ARHGAP10: variants seen among roughly 807,000 people sequenced by gnomAD.
ARHGAP10 encodes the protein rho GTPase-activating protein 10.
A neutral mutation model predicts 108.6 loss-of-function variants in ARHGAP10; 87 were observed. The ratio of observed to expected loss-of-function variants is 0.80; its 90% CI spans 0.67 to 0.96. The LOEUF (loss-of-function observed/expected upper bound fraction) is 0.96. Ranked by LOEUF, ARHGAP10 falls within the 40% of genes least tolerant of loss-of-function variation. The pLI is 0.00. For synonymous variants in ARHGAP10, 347 were observed against 341.1 expected, an observed-to-expected ratio of 1.02 and a Z score of -0.19; for missense variants, 939 against 954.5, an observed-to-expected ratio of 0.98 and a Z score of 0.21.
chr4:148,067,986 G>A (rs1030781092), intron 22 of ARHGAP10, among the ~76,000 whole-genome samples: 14 of 148,798 alleles, frequency 9.4e-5, no homozygotes, highest in Middle Eastern at 3.4e-3. Context: ...CAACTCCCCC[G>A]CCCCCCACCC....
chr4:147,895,673 G>C (rs1416969541), intron 10 of ARHGAP10, among the ~76,000 whole-genome samples: 1 of 150,468 alleles, frequency 6.6e-6, no homozygotes, highest in Non-Finnish European at 1.5e-5. Flanking sequence ...GCAACAGAGA[G>C]AGACCCTGTC....
intron 11 of ARHGAP10, among the ~76,000 whole-genome samples, chr4:147,907,861 TC>T (rs1736566624): frequency 6.6e-6 from 1 of 152,144 alleles, no homozygotes; most frequent in Non-Finnish European, 1.5e-5. Context: ...TATTGATTGA[TC>T]GATGGAATCT....
chr4:147,983,556 A>G (rs1006841771), intron 18 of ARHGAP10, among the ~76,000 whole-genome samples: 1 of 145,894 alleles, frequency 6.9e-6, no homozygotes, highest in African/African-American at 2.6e-5. Context: ...CTGATTTTTG[A>G]GTTCTGAAAT....
intron 19 of ARHGAP10, among the ~76,000 whole-genome samples, chr4:148,033,836 G>T (rs549964260): frequency 6.6e-6 from 1 of 152,280 alleles, no homozygotes; most frequent in Admixed American, 6.5e-5. Flanking sequence ...ACTGCTTAGT[G>T]TTTTCCTGTT....
At chr4:147,875,274 C>T (rs1209503096) in intron 8 of ARHGAP10, 124 bp downstream of exon 8, 1 of 1,090,140 alleles carries the variant, frequency 9.2e-7, no homozygotes, top group East Asian at 2.9e-5. Context: ...CTCCCTGCTC[C>T]TATCACCTAA....
At position 147,769,537 on chromosome 4, in the gene ARHGAP10, C is replaced by T. The variant is rs147969333; in HGVS notation, c.154+37082C>T. On this transcript the variant is annotated intron_variant, in intron 1 of 22. Coordinates refer to ENST00000336498, the MANE Select transcript of ARHGAP10 (RefSeq NM_024605.4). ...TTCCTTGTTAACTGACATTGTTTCC[C>T]GGGGATTTCCGTATGTTAACAAGTT... is the stretch of plus-strand genomic sequence containing the variant. Among the ~76,000 whole-genome samples, 1,144 of 152,130 alleles carry T rather than the reference C, an allele frequency of 7.5e-3. 16 individuals are homozygous for T. Among genetic ancestry groups the T allele is most frequent in the African/African-American group, 0.026 (1,079 of 41,482 alleles).
intron 1 of ARHGAP10, among the ~76,000 whole-genome samples, chr4:147,787,120 C>T (rs1237000524): frequency 6.6e-6 from 1 of 152,086 alleles, no homozygotes; most frequent in Admixed American, 6.6e-5. Context: ...CAGCAGATGA[C>T]CAAGGTGGAA....
chr4:147,987,962 T>C (rs1459031083), intron 18 of ARHGAP10, among the ~76,000 whole-genome samples: 1 of 152,254 alleles, frequency 6.6e-6, no homozygotes, highest in Admixed American at 6.5e-5. Context: ...GGCAAAGTTT[T>C]GGTTGCAACC....
At chr4:147,891,662 G>T (rs1003551794) in intron 10 of ARHGAP10, among the ~76,000 whole-genome samples, 2 of 152,162 alleles carry the variant, frequency 1.3e-5, no homozygotes, top group African/African-American at 4.8e-5. Context: ...AGCTGCAAAT[G>T]AATACCTACC....
At chr4:147,976,304 A>C (rs1739591531) in intron 18 of ARHGAP10, among the ~76,000 whole-genome samples, 1 of 152,206 alleles carries the variant, frequency 6.6e-6, no homozygotes. Flanking sequence ...AGGCAGCACT[A>C]GTTTTTATGT....
chr4:147,897,209 G>T (rs772196807), intron 10 of ARHGAP10, among the ~76,000 whole-genome samples: 37 of 151,034 alleles, frequency 2.4e-4, no homozygotes, highest in Admixed American at 1.2e-3. Context: ...AAAAAAATAT[G>T]CTAGCCATTG....
chr4:147,799,559 T>C (rs1731490402), intron 1 of ARHGAP10, among the ~76,000 whole-genome samples: 2 of 152,212 alleles, frequency 1.3e-5, no homozygotes, highest in African/African-American at 2.4e-5. Flanking sequence ...TTGTCTTTCC[T>C]CAAGTTCAGT....
At chr4:147,955,724 G>A (rs1188214581) in intron 16 of ARHGAP10, among the ~76,000 whole-genome samples, 1 of 152,078 alleles carries the variant, frequency 6.6e-6, no homozygotes, top group Admixed American at 6.6e-5. Context: ...AGGGAACACA[G>A]AAGTATTTAA....
chr4:147,785,563 G>T (rs1730858580), intron 1 of ARHGAP10, among the ~76,000 whole-genome samples: 1 of 152,092 alleles, frequency 6.6e-6, no homozygotes, highest in African/African-American at 2.4e-5. Context: ...GGACATAAAT[G>T]ACATGTAGTT....
intron 18 of ARHGAP10, among the ~76,000 whole-genome samples, chr4:147,971,350 T>G (rs764327392): frequency 2.6e-5 from 4 of 152,062 alleles, no homozygotes; most frequent in African/African-American, 9.7e-5. Flanking sequence ...GTGTGAGATT[T>G]GGGGGAAGTA....
At chr4:147,969,332 T>C (rs1483121828) in intron 18 of ARHGAP10, among the ~76,000 whole-genome samples, 1 of 145,230 alleles carries the variant, frequency 6.9e-6, no homozygotes, top group Non-Finnish European at 1.5e-5. Flanking sequence ...GCCTTTTTTT[T>C]TTTTTTTTTT....
intron 18 of ARHGAP10, among the ~76,000 whole-genome samples, chr4:148,017,892 C>T (rs1425268157): frequency 6.6e-6 from 1 of 151,824 alleles, no homozygotes; most frequent in Non-Finnish European, 1.5e-5. Context: ...ACATGTGGTC[C>T]CTGGTAACAG....
intron 22 of ARHGAP10, among the ~76,000 whole-genome samples, chr4:148,071,342 G>A (rs551493406): frequency 6.6e-6 from 1 of 152,358 alleles, no homozygotes; most frequent in South Asian, 2.1e-4. Flanking sequence ...GAGGCTGGGA[G>A]TGGTGGCTCA....
intron 17 of ARHGAP10, 86 bp downstream of exon 17, chr4:147,965,215 G>A: frequency 1.1e-6 from 1 of 951,928 alleles, no homozygotes; most frequent in Non-Finnish European, 1.5e-6. Flanking sequence ...GGTGGAACTG[G>A]GGACCACACC....
Sources: allele counts gnomAD v4.1 joint callset (sites outside exome capture counted in the v4.1 genomes callset), GRCh38; gene constraint gnomAD v4.1.1; transcripts MANE v1.5; gene names NCBI Gene and HGNC (gene_info 2026-07-23, HGNC 2026-07-21).